Variants in ANKAR observed in about 807,000 individuals in gnomAD.
The protein encoded by ANKAR is ankyrin and armadillo repeat containing.
ANKAR carries 136 observed loss-of-function variants against 146.2 expected under a neutral mutation model. The observed-to-expected ratio is 0.93, with a 90% CI of 0.81 to 1.07. ANKAR has a LOEUF of 1.07. Ranked by LOEUF, ANKAR falls within the 50% of genes least tolerant of loss-of-function variation. The pLI, the probability that ANKAR is intolerant of heterozygous loss-of-function variation, is 0.00. For synonymous variants in ANKAR, 500 were observed against 575.8 expected (o/e 0.87, Z 1.88); for missense variants, 1,567 against 1,679.9 (o/e 0.93, Z 1.18).
chr2:189,730,517 T>C lies in ANKAR; in HGVS notation c.3216T>C (p.Pro1072=). ...ICIGVAHTSN[P]VSQQLVVDEN... is the part of the protein sequence containing the mutation. ...CAGGTGTAGCCCATACAAGCAATCC[T>C]GTCAGTCAACAATTGGTTGTAGATG... is the stretch of plus-strand genomic sequence containing the variant. The change falls in exon 16 of 23, where the codon CCT becomes CCC. Residue 1072 remains proline (P), a synonymous_variant. Coordinates refer to ENST00000684021, the MANE Select transcript of ANKAR (RefSeq NM_001378068.1). 1 of 1,603,500 alleles carries C rather than the reference T, an allele frequency of 6.2e-7. No homozygotes were observed. Among genetic ancestry groups the C allele is most frequent in the Admixed American group, 1.7e-5 (1 of 58,554 alleles).
chr2:189,676,529 G>A lies in ANKAR; in HGVS notation c.39G>A (p.Glu13=). The change falls in exon 2 of 23, where the codon GAG becomes GAA. Residue 13 remains glutamate, a synonymous_variant. Transcript: ENST00000684021. ...RLPKKGLPRF[E]QVQDEDTYLE... ...CCAAAAAAGGATTACCTAGATTTGA[G>A]CAAGTTCAGGATGAAGACACCTACC... is the stretch of plus-strand genomic sequence containing the variant. 6.3e-7 allele frequency: 1 copy of A among 1,580,264 alleles called. No individual in the cohort carries two copies. Among genetic ancestry groups the A allele is most frequent in the Non-Finnish European group, 8.6e-7 (1 of 1,167,014 alleles).
At chr2:189,707,437 C>T (rs2039090885) in intron 9 of ANKAR, among the ~76,000 whole-genome samples, 1 of 108,214 alleles carries the variant, frequency 9.2e-6, no homozygotes, top group Admixed American at 1.2e-4. Flanking sequence ...GAAGTTCAAA[C>T]ATCCTCTCCT....
intron 2 of ANKAR, among the ~76,000 whole-genome samples, chr2:189,679,178 G>T (rs1019828857): frequency 4.6e-5 from 7 of 151,908 alleles, no homozygotes; most frequent in African/African-American, 1.7e-4. Context: ...TTTATTTTAT[G>T]TTATGTTATT....
chr2:189,743,012 C>CT (rs113651969), intron 20 of ANKAR, among the ~76,000 whole-genome samples: 56 of 129,872 alleles, frequency 4.3e-4, no homozygotes, highest in East Asian at 2.1e-3. Context: ...AGTTGGTGGG[C>CT]TTTTTTTTTT....
intron 2 of ANKAR, among the ~76,000 whole-genome samples, chr2:189,678,040 TTTACA>T (rs2034023587): frequency 6.6e-6 from 1 of 152,236 alleles, no homozygotes; most frequent in Non-Finnish European, 1.5e-5. Context: ...GTTGTGCTAG[TTTACA>T]TTACAATCCC....
Position 189,746,578 on chromosome 2 carries a change from A to T in ANKAR, c.4256A>T (p.Gln1419Leu), listed in dbSNP as rs112668352. 3.1e-3 allele frequency: 5,023 copies of T among 1,612,716 alleles called. 122 individuals are homozygous for T. In the African/African-American group the frequency reaches 0.059, roughly 19 times the overall value. ...AGACCAAGAATAGTGTGTTTGAACC[A>T]ACTTGGGAAACATGTCCAGAAAGCC... ...VSRPRIVCLN[Q>L]LGKHVQKANP... Residue 1419 changes from glutamine to leucine, a missense_variant, in exon 23 of 23, where the codon CAA (glutamine) becomes CTA (leucine). Coordinates refer to ENST00000684021, the MANE Select transcript of ANKAR (RefSeq NM_001378068.1).
chr2:189,759,636 T>C (rs2046677816), intron 18 of ANKAR, among the ~76,000 whole-genome samples: 1 of 152,234 alleles, frequency 6.6e-6, no homozygotes, highest in Admixed American at 6.5e-5. Flanking sequence ...AAGTGCTTAA[T>C]TCAGGATTCA....
In ANKAR at chr2:189,696,183, A is replaced by G. The variant is rs1454327803; in HGVS notation, c.1522A>G (p.Arg508Gly). The G allele has an allele frequency of 1.2e-6, 2 of 1,614,086 alleles. No individual in the cohort carries two copies. The highest frequency in any genetic ancestry group is 2.2e-5 in the East Asian group (1 of 44,870). Residue 508 changes from arginine to glycine, a missense_variant, in exon 7 of 23, where the codon AGA (arginine) becomes GGA (glycine). Transcript: ENST00000684021. ...IPFGMKSAVERGLSAVFHTFS... is the reference protein window; with the variant it reads ...IPFGMKSAVEGGLSAVFHTFS... The stretch of plus-strand genomic sequence containing the variant: ...ATTTGGTATGAAGTCCGCTGTTGAA[A>G]GAGGGTTGTCTGCAGTTTTCCACAC...
At chr2:189,682,163 T>C (rs1439124406) in intron 2 of ANKAR, among the ~76,000 whole-genome samples, 2 of 152,060 alleles carry the variant, frequency 1.3e-5, no homozygotes, top group African/African-American at 4.8e-5. Context: ...GTGGAATGTA[T>C]CTTTATTCCC....
chr2:189,730,776 G>T (rs923356119), intron 16 of ANKAR, among the ~76,000 whole-genome samples, 175 bp downstream of exon 16: 1 of 151,962 alleles, frequency 6.6e-6, no homozygotes, highest in Non-Finnish European at 1.5e-5. Context: ...CAAAATCCTA[G>T]AAGTTTTAAA....
downstream of ANKAR, chr2:189,762,453 C>T: frequency 7.1e-6 from 3 of 423,030 alleles, no homozygotes; most frequent in Non-Finnish European, 9.5e-6. Flanking sequence ...GCGGGCAGTG[C>T]AGCCCAGACA....
rs2044167746 is a variant in ANKAR, at chr2:189,746,363, T to C, written c.4058-17T>C. On this transcript the variant is annotated splice_polypyrimidine_tract_variant and intron_variant, in intron 22 of 22. Transcript: ENST00000684021. The stretch of plus-strand genomic sequence containing the variant: ...TAGGGCTCTCAGGAGAGACATTTAA[T>C]TGTGGCTAATTTTTAGGGAAGGAGC... The C allele has an allele frequency of 6.3e-7, 1 of 1,592,980 alleles. No individual in the cohort carries two copies. The highest frequency in any genetic ancestry group is 8.5e-7 in the Non-Finnish European group (1 of 1,173,194).
At chr2:189,731,310 TG>T (rs2042372901) in intron 16 of ANKAR, among the ~76,000 whole-genome samples, 1 of 152,008 alleles carries the variant, frequency 6.6e-6, no homozygotes, top group Non-Finnish European at 1.5e-5. Context: ...CTACTGGAGA[TG>T]AGAAAATAGA....
chr2:189,762,898 C>G (rs139986986), downstream of ANKAR: 24 of 985,356 alleles, frequency 2.4e-5, no homozygotes, highest in African/African-American at 3.8e-4. Flanking sequence ...CCAAAACGCT[C>G]TCTGTGCGCA....
At position 189,741,389 on chromosome 2, in the gene ANKAR, G is replaced by A; in HGVS notation, c.3748G>A (p.Ala1250Thr). 1 of 1,610,178 alleles carries A rather than the reference G, an allele frequency of 6.2e-7. No individual in the cohort carries two copies. The stretch of plus-strand genomic sequence containing the variant: ...TCATTCTAGAGCTGGTATCCCAGAA[G>A]CATTTACCACATTAGGAACAATCCA... ...LAHSRAGIPE[A>T]FTTLGTIQRL... Residue 1250 changes from alanine (A) to threonine (T), a missense_variant, in exon 20 of 23, where the codon GCA becomes ACA. Physicochemically the swap from Ala to Thr is moderately conservative, Grantham distance 58 (BLOSUM62 0). Coordinates refer to ENST00000684021, the MANE Select transcript of ANKAR (RefSeq NM_001378068.1).
chr2:189,728,068 T>G lies in ANKAR; in HGVS notation c.2848T>G (p.Leu950Val), dbSNP rs899197802. The change falls in exon 13 of 23, where the codon TTA becomes GTA. Residue 950 changes from leucine (L) to valine (V), a missense_variant. Physicochemically the swap from Leu to Val is conservative, Grantham distance 32 (BLOSUM62 1). Coordinates refer to ENST00000684021, the MANE Select transcript of ANKAR (RefSeq NM_001378068.1). Reference protein sequence around the residue: ...LIQKAFLEKSLTKYLLKLLKA... With the variant: ...LIQKAFLEKSVTKYLLKLLKA... ...ACAGAAAGCATTTCTGGAAAAATCG[T>G]TAACTAAATATCTTTTAAAACTCCT... The G allele has an allele frequency of 3.7e-6, 6 of 1,612,904 alleles. No homozygotes were observed. Among genetic ancestry groups the G allele is most frequent in the Non-Finnish European group, 4.2e-6 (5 of 1,179,408 alleles).
chr2:189,699,794 G>A (rs1232295921), intron 7 of ANKAR, among the ~76,000 whole-genome samples: 1 of 152,110 alleles, frequency 6.6e-6, no homozygotes, highest in African/African-American at 2.4e-5. Flanking sequence ...AGCCTCCCAT[G>A]TAGCTGGGAT....
chr2:189,683,538 C>A (rs1211959669), intron 2 of ANKAR, among the ~76,000 whole-genome samples: 1 of 152,192 alleles, frequency 6.6e-6, no homozygotes, highest in Non-Finnish European at 1.5e-5. Context: ...CAAAAGGTGT[C>A]TGATACACAG....
In ANKAR at chr2:189,728,723, G is replaced by C; in HGVS notation, c.3095G>C (p.Gly1032Ala). The change falls in exon 15 of 23, where the codon GGG becomes GCG. Residue 1032 changes from glycine to alanine, a missense_variant. Physicochemically the swap from Gly to Ala is moderately conservative, Grantham distance 60. Coordinates refer to ENST00000684021, the MANE Select transcript of ANKAR (RefSeq NM_001378068.1). ...ATGCATCAAAATCAAATATGTGAAG[G>C]GAATGGAATTGCACCATTGGTTCGC... is the stretch of plus-strand genomic sequence containing the variant. ...SRMHQNQICE[G>A]NGIAPLVRLL... The C allele has an allele frequency of 1.2e-6, 2 of 1,614,024 alleles. No homozygotes were observed. Among genetic ancestry groups the C allele is most frequent in the Non-Finnish European group, 8.5e-7 (1 of 1,179,958 alleles).
Sources: gnomAD v4.1 joint callset for allele counts (sites outside exome capture counted in the v4.1 genomes callset) on GRCh38, gnomAD v4.1.1 for gene constraint, MANE v1.5 for transcripts, NCBI Gene and HGNC (gene_info 2026-07-23, HGNC 2026-07-21) for gene names.